Variants in CACNA1D observed in about 807,000 individuals in gnomAD.
CACNA1D encodes the protein voltage-dependent L-type calcium channel subunit alpha-1D.
A neutral mutation model predicts 257.1 loss-of-function variants in CACNA1D; 55 were observed. The ratio of observed to expected loss-of-function variants is 0.21; its 90% confidence interval spans 0.17 to 0.27. The LOEUF (loss-of-function observed/expected upper bound fraction) is 0.27. CACNA1D is among the 10% of genes least tolerant of loss of function. The pLI, the probability that CACNA1D is intolerant of heterozygous loss-of-function variation, is 1.00. For synonymous variants in CACNA1D, 980 were observed against 1,014.9 expected, an observed-to-expected ratio of 0.97 and a Z score of 0.65; for missense variants, 1,876 against 2,784.0, an observed-to-expected ratio of 0.67 and a Z score of 7.34.
chr3:53,629,805 G>A (rs1576157358), intron 3 of CACNA1D, among the ~76,000 whole-genome samples: 3 of 152,322 alleles, frequency 2.0e-5, no homozygotes, highest in African/African-American at 7.2e-5. Context: ...ATAAATGGTA[G>A]CAGTTGGTAC....
rs1013947363 is a variant in CACNA1D, at chr3:53,800,830, C to T, written c.5041-228C>T. ...TGGAAGAGCACACTCGAGTGACAGC[C>T]GACAGCTTGCTCCCCAGCTCAGGAA... On this transcript the variant is annotated intron_variant, in intron 41 of 47. Transcript: ENST00000350061. The surrounding 1 kb of genome is among the most constrained non-coding windows in gnomAD (Gnocchi z 4.3). The T allele has an allele frequency of 4.9e-5, 30 of 606,252 alleles. No homozygotes were observed. The highest frequency in any genetic ancestry group is 2.1e-4 in the Admixed American group (8 of 37,470). 37.6% of individuals were successfully genotyped at this position (606,252 alleles called of 1,614,324 possible).
At chr3:53,798,276 A>G (rs1038373886) in intron 40 of CACNA1D, among the ~76,000 whole-genome samples, 4 of 151,920 alleles carry the variant, frequency 2.6e-5, no homozygotes, top group African/African-American at 9.7e-5. Flanking sequence ...GAACTCGTGG[A>G]TCCTGAGAGA....
At chr3:53,660,981 G>A (rs1292334033) in intron 5 of CACNA1D, among the ~76,000 whole-genome samples, 2 of 152,188 alleles carry the variant, frequency 1.3e-5, no homozygotes, top group Non-Finnish European at 2.9e-5. Context: ...TGTGCTTCTG[G>A]CTCCAGGCCC....
chr3:53,727,058 T>C, intron 15 of CACNA1D, 59 bp downstream of exon 15: 2 of 1,601,614 alleles, frequency 1.2e-6, no homozygotes, highest in Non-Finnish European at 8.5e-7. Context: ...TTGTTTTTCT[T>C]CCTCTGCATT....
At chr3:53,771,504 T>A (rs1315224803) in intron 32 of CACNA1D, among the ~76,000 whole-genome samples, 1 of 152,028 alleles carries the variant, frequency 6.6e-6, no homozygotes, top group East Asian at 1.9e-4. Context: ...AGCGGGGTGG[T>A]GCAGGCACTC....
chr3:53,734,664 CA>C (rs2095040211), intron 19 of CACNA1D, among the ~76,000 whole-genome samples: 2 of 152,158 alleles, frequency 1.3e-5, no homozygotes, highest in Admixed American at 6.5e-5. Context: ...TCCATTGCTT[CA>C]CGAGACCACA....
rs149451717 is a variant in CACNA1D at position 53,611,141 on chromosome 3, G to A, written c.484-39638G>A. 7.9e-5 allele frequency among the ~76,000 whole-genome samples: 12 copies of A among 152,326 alleles called. No homozygotes were observed. In the East Asian group the frequency reaches 2.3e-3, roughly 29 times the overall value. ...TGCCTGCAATCCCAGCACTTTAGGA[G>A]GCTGAGGTAGGAGGATTGCTTGAGG... On this transcript the variant is annotated intron_variant, in intron 3 of 47. Coordinates refer to ENST00000350061, the MANE Select transcript of CACNA1D (RefSeq NM_001128840.3).
At chr3:53,597,059 CA>C (rs1377153483) in intron 3 of CACNA1D, among the ~76,000 whole-genome samples, 1 of 152,120 alleles carries the variant, frequency 6.6e-6, no homozygotes, top group Non-Finnish European at 1.5e-5. Context: ...AAGAAATATA[CA>C]ATTATTTAAT....
At chr3:53,804,091 G>A (rs1331842354) in intron 44 of CACNA1D, among the ~76,000 whole-genome samples, 1 of 152,332 alleles carries the variant, frequency 6.6e-6, no homozygotes, top group African/African-American at 2.4e-5. Context: ...CAGAAAGAAT[G>A]TTTGTTAGTA....
rs868341467 is a variant in CACNA1D, at chr3:53,722,294, A to G, written c.1506-20A>G. The G allele has an allele frequency of 3.7e-6, 6 of 1,613,668 alleles. No homozygotes were observed. Among genetic ancestry groups the G allele is most frequent in the Middle Eastern group, 1.7e-4 (1 of 5,800 alleles). ...ATGCTGTATCTGTCATCTACGTAGTAATGTTTGCTTGTCTTTTAGCCGACG... is the reference window on the plus strand; with the variant it reads ...ATGCTGTATCTGTCATCTACGTAGTGATGTTTGCTTGTCTTTTAGCCGACG... On this transcript the variant is annotated intron_variant, in intron 11 of 47. Coordinates refer to ENST00000350061, the MANE Select transcript of CACNA1D (RefSeq NM_001128840.3).
rs201306126 is a variant in CACNA1D at position 53,801,342 on chromosome 3, G to A, written c.5325G>A (p.Gly1775=). Residue 1775 remains glycine, a synonymous_variant, in exon 42 of 48, where the codon GGG becomes GGA. Coordinates refer to ENST00000350061, the MANE Select transcript of CACNA1D (RefSeq NM_001128840.3). ...KAAHGKRPSI[G]NLEHVSENGH... is the part of the protein sequence containing the mutation. The stretch of plus-strand genomic sequence containing the variant: ...CCCATGGAAAGCGGCCCAGCATTGG[G>A]AACCTTGAGCATGTGTCTGAAAATG... The A allele has an allele frequency of 3.6e-5, 58 of 1,614,034 alleles. No individual in the cohort carries two copies. The highest frequency in any genetic ancestry group is 1.3e-4 in the South Asian group (12 of 91,082).
chr3:53,614,814 C>G (rs7614320), intron 3 of CACNA1D, among the ~76,000 whole-genome samples: 4,101 of 152,284 alleles, frequency 0.027, 203 homozygotes, highest in African/African-American at 0.093. Context: ...AAGAAGTTAT[C>G]ACCATTCCCC....
intron 14 of CACNA1D, 39 bp from the exon 15 acceptor site, chr3:53,726,840 T>TGAATC: frequency 6.2e-7 from 1 of 1,614,128 alleles, no homozygotes; most frequent in Non-Finnish European, 8.5e-7. Flanking sequence ...CTGCAATTTG[T>TGAATC]GAATCCACCT....
At chr3:53,622,587 C>T (rs2093708413) in intron 3 of CACNA1D, among the ~76,000 whole-genome samples, 2 of 152,060 alleles carry the variant, frequency 1.3e-5, no homozygotes, top group African/African-American at 2.4e-5. Context: ...CACATGGACA[C>T]AGAGGGCAAC....
chr3:53,744,037 T>C (rs1226998302), intron 22 of CACNA1D, among the ~76,000 whole-genome samples: 1 of 152,128 alleles, frequency 6.6e-6, no homozygotes, highest in African/African-American at 2.4e-5. Context: ...GCCCACTTCC[T>C]CCTGAGCATG....
chr3:53,691,729 AAT>A (rs573051088), intron 8 of CACNA1D, among the ~76,000 whole-genome samples: 65 of 47,670 alleles, frequency 1.4e-3, no homozygotes, highest in Admixed American at 2.3e-3. Flanking sequence ...TTACATATAT[AAT>A]ATATATATTA....
At chr3:53,720,884 C>G (rs907728621) in intron 11 of CACNA1D, among the ~76,000 whole-genome samples, 9 of 152,184 alleles carry the variant, frequency 5.9e-5, no homozygotes, top group East Asian at 3.8e-4. Flanking sequence ...TATATTTGGC[C>G]CAGCCATCCC....
At chr3:53,572,370 G>GTTTATTTATTTA (rs1336127998) in intron 3 of CACNA1D, among the ~76,000 whole-genome samples, 2 of 133,868 alleles carry the variant, frequency 1.5e-5, no homozygotes, top group East Asian at 2.1e-4. Flanking sequence ...TTGTTTGTTT[G>GTTTATTTATTTA]TTTGTTTATT....
rs1301381041 is a variant in CACNA1D, at chr3:53,812,740, G to A, written c.*1334G>A. ...AGGTGGATGAGATATAGCTGCTCTT[G>A]TCCTCTGGGGACTGGTGGTGCTGCT... On this transcript the variant is annotated 3_prime_UTR_variant, in exon 48 of 48. Transcript: ENST00000350061. The A allele has an allele frequency of 6.6e-6, 1 of 152,258 alleles. No homozygotes were observed. The highest frequency in any genetic ancestry group is 1.5e-5 in the Non-Finnish European group (1 of 68,062). The allele number at this position is 152,258 out of a possible 1,614,324, so 9.4% of individuals were successfully genotyped here. A position where few individuals can be genotyped will look rare whatever the true frequency, so the allele number is the denominator to read the frequency against.
Sources: gnomAD v4.1 joint callset for allele counts (sites outside exome capture counted in the v4.1 genomes callset) on GRCh38, gnomAD v4.1.1 for gene constraint, Gnocchi (gnomAD v3.1) non-coding constraint, MANE v1.5 for transcripts, NCBI Gene and HGNC (gene_info 2026-07-23, HGNC 2026-07-21) for gene names.